Variants in MACROD2 observed in about 807,000 individuals in gnomAD.
MACROD2 encodes ADP-ribose glycohydrolase MACROD2.
In MACROD2, 36 loss-of-function variants were observed where a neutral mutation model predicts 70.4. That is an observed-to-expected ratio of 0.51 (90% CI 0.39 to 0.68). MACROD2 has a LOEUF of 0.68. Ranked by LOEUF, MACROD2 falls within the 30% of genes least tolerant of loss-of-function variation. The pLI is 0.00. For missense variants in MACROD2, 496 were observed against 538.4 expected (o/e 0.92, Z 0.78); for synonymous variants, 172 against 178.8 (o/e 0.96, Z 0.30).
intron 4 of MACROD2, among the ~76,000 whole-genome samples, chr20:14,673,908 G>A (rs1323950721): frequency 9.9e-6 from 1 of 101,268 alleles, no homozygotes; most frequent in African/African-American, 4.0e-5. Flanking sequence ...CAACAAGAGT[G>A]AAACTCCATC....
At chr20:15,801,919 T>A (rs1486092601) in intron 8 of MACROD2, among the ~76,000 whole-genome samples, 6 of 152,180 alleles carry the variant, frequency 3.9e-5, no homozygotes, top group Non-Finnish European at 7.3e-5. Context: ...TTTAACATTC[T>A]TGGTTAAATT....
intron 1 of MACROD2, among the ~76,000 whole-genome samples, chr20:14,001,687 C>T (rs1383580543): frequency 1.3e-5 from 2 of 151,926 alleles, no homozygotes; most frequent in Non-Finnish European, 2.9e-5. Flanking sequence ...TTCTGGGAGG[C>T]CTCAGGGAGC....
chr20:15,042,758 AC>A (rs1395113599), intron 5 of MACROD2, among the ~76,000 whole-genome samples: 3 of 152,202 alleles, frequency 2.0e-5, no homozygotes, highest in Non-Finnish European at 2.9e-5. Context: ...GATGAACTCT[AC>A]TTACATCCCT....
At chr20:15,025,673 A>G (rs552950523) in intron 5 of MACROD2, among the ~76,000 whole-genome samples, 151 of 152,180 alleles carry the variant, frequency 9.9e-4, no homozygotes, top group African/African-American at 3.5e-3. Context: ...CACTGTGGAC[A>G]TTTTGGGCTG....
At chr20:14,741,766 A>G (rs1440549954) in intron 5 of MACROD2, among the ~76,000 whole-genome samples, 1 of 152,154 alleles carries the variant, frequency 6.6e-6, no homozygotes, top group East Asian at 1.9e-4. Context: ...AGAATGCAGT[A>G]TATGAGTATA....
intron 8 of MACROD2, among the ~76,000 whole-genome samples, chr20:15,576,544 C>A (rs1162694696): frequency 7.8e-6 from 1 of 128,592 alleles, no homozygotes; most frequent in Non-Finnish European, 1.7e-5. Flanking sequence ...TTGTTTTCTG[C>A]ACAAAATGTT....
chr20:14,275,017 A>G (rs1385919197), intron 3 of MACROD2, among the ~76,000 whole-genome samples: 5 of 152,258 alleles, frequency 3.3e-5, no homozygotes, highest in Non-Finnish European at 7.3e-5. Flanking sequence ...CAAATGGAAG[A>G]ACATTCCATG....
At chr20:15,692,462 G>A (rs2050310295) in intron 8 of MACROD2, among the ~76,000 whole-genome samples, 1 of 152,082 alleles carries the variant, frequency 6.6e-6, no homozygotes, top group South Asian at 2.1e-4. Flanking sequence ...AAGTCAAGCA[G>A]GGTGACAGCA....
chr20:15,346,064 G>A (rs2078162366), intron 6 of MACROD2, among the ~76,000 whole-genome samples: 1 of 151,894 alleles, frequency 6.6e-6, no homozygotes, highest in Admixed American at 6.6e-5. Context: ...CTGAAAAGAT[G>A]CCATACATAA....
At chr20:15,212,051 A>G (rs2076768464) in intron 5 of MACROD2, among the ~76,000 whole-genome samples, 1 of 152,160 alleles carries the variant, frequency 6.6e-6, no homozygotes, top group Admixed American at 6.5e-5. Context: ...AGCCTTCCTA[A>G]TGAGTGTGAA....
intron 3 of MACROD2, among the ~76,000 whole-genome samples, chr20:14,397,668 T>C (rs1270689493): frequency 6.6e-6 from 1 of 152,322 alleles, no homozygotes; most frequent in East Asian, 1.9e-4. Context: ...GATATTTTCA[T>C]AGATGCATAC....
intron 3 of MACROD2, among the ~76,000 whole-genome samples, chr20:14,167,569 T>G (rs78098723): frequency 2.0e-5 from 3 of 151,750 alleles, no homozygotes; most frequent in African/African-American, 7.3e-5. Context: ...CTTTTTTTTT[T>G]AGTAGAGACA....
chr20:15,107,278 T>C (rs968384978), intron 5 of MACROD2, among the ~76,000 whole-genome samples: 1 of 151,916 alleles, frequency 6.6e-6, no homozygotes, highest in Non-Finnish European at 1.5e-5. Context: ...AACATTTTCT[T>C]AGCAAGCAAC....
intron 8 of MACROD2, among the ~76,000 whole-genome samples, chr20:15,715,222 G>A (rs1600799199): frequency 1.3e-5 from 2 of 149,942 alleles, no homozygotes; most frequent in African/African-American, 4.8e-5. Context: ...ATTTTTTAGT[G>A]TGATTAAAAA....
intron 5 of MACROD2, among the ~76,000 whole-genome samples, chr20:14,882,111 G>A (rs989727342): frequency 6.6e-6 from 1 of 152,274 alleles, no homozygotes; most frequent in African/African-American, 2.4e-5. Context: ...TCAAGCTCAG[G>A]CAGTCATGCC....
rs74179763 is a variant in MACROD2, at chr20:15,176,987, G to T, written c.419-52953G>T. Among the ~76,000 whole-genome samples, 640 of 152,296 alleles carry T rather than the reference G, an allele frequency of 4.2e-3. 5 individuals carry two copies. Among genetic ancestry groups the T allele is most frequent in the Middle Eastern group, 6.8e-3 (2 of 294 alleles). ...GTGCAGTACATCTGGTCCAGTTACA[G>T]CCTTGAATGGAGCTGGCACCTGTGC... On this transcript the variant is annotated intron_variant, in intron 5 of 17. Coordinates refer to ENST00000684519, the MANE Select transcript of MACROD2 (RefSeq NM_001351661.2).
intron 3 of MACROD2, among the ~76,000 whole-genome samples, chr20:14,178,091 A>T (rs1009631711): frequency 2.0e-5 from 3 of 152,158 alleles, no homozygotes; most frequent in African/African-American, 7.2e-5. Context: ...AATATTCACA[A>T]CATCTAGGGA....
intron 8 of MACROD2, among the ~76,000 whole-genome samples, chr20:15,777,939 C>T (rs573731136): frequency 2.0e-5 from 3 of 152,262 alleles, no homozygotes; most frequent in East Asian, 1.9e-4. Flanking sequence ...GCGTGAGCCA[C>T]TGCACCCCAC....
At chr20:15,614,591 G>T (rs457627) in intron 8 of MACROD2, among the ~76,000 whole-genome samples, 82,803 of 151,886 alleles carry the variant, frequency 0.55, 23,919 homozygotes, top group African/African-American at 0.76. Flanking sequence ...AAATTTTAAC[G>T]TAAATTGGAA....
Sources: gnomAD v4.1 joint callset for allele counts (sites outside exome capture counted in the v4.1 genomes callset) on GRCh38, gnomAD v4.1.1 for gene constraint, MANE v1.5 for transcripts, NCBI Gene and HGNC (gene_info 2026-07-23, HGNC 2026-07-21) for gene names.